STXBP5: variants seen among roughly 807,000 people sequenced by gnomAD.
STXBP5 encodes the protein syntaxin binding protein 5.
STXBP5 carries 50 observed loss-of-function variants against 152.4 expected under a neutral mutation model. That is an observed-to-expected ratio of 0.33 (90% CI 0.26 to 0.42). STXBP5 has a LOEUF of 0.42. STXBP5 is among the 10% of genes least tolerant of loss of function. The pLI, the probability that STXBP5 is intolerant of heterozygous loss-of-function variation, is 1.00. For missense variants in STXBP5, 1,167 were observed against 1,388.6 expected (o/e 0.84, Z 2.54); for synonymous variants, 492 against 494.7 (o/e 0.99, Z 0.07).
intron 26 of STXBP5, among the ~76,000 whole-genome samples, chr6:147,374,501 G>C (rs1339802729): frequency 6.6e-6 from 1 of 152,144 alleles, no homozygotes; most frequent in Non-Finnish European, 1.5e-5. Flanking sequence ...TTGGTCTGTA[G>C]TTTTAGTTCA....
intron 5 of STXBP5, among the ~76,000 whole-genome samples, 156 bp from the exon 6 acceptor site, chr6:147,262,134 A>G (rs779696249): frequency 6.6e-6 from 1 of 151,950 alleles, no homozygotes; most frequent in Non-Finnish European, 1.5e-5. Context: ...TTTGATCCAT[A>G]TTAAGAACTA....
chr6:147,264,237 T>G (rs1779778826), intron 6 of STXBP5, among the ~76,000 whole-genome samples: 1 of 152,182 alleles, frequency 6.6e-6, no homozygotes, highest in South Asian at 2.1e-4. Flanking sequence ...AATGCTAACC[T>G]TACCGGTGGA....
chr6:147,237,204 T>A (rs1778320227), intron 3 of STXBP5, among the ~76,000 whole-genome samples: 1 of 152,226 alleles, frequency 6.6e-6, no homozygotes, highest in South Asian at 2.1e-4. Flanking sequence ...CTATTTTTAT[T>A]CATATTAAGT....
At chr6:147,275,328 T>C (rs1473547453) in intron 7 of STXBP5, among the ~76,000 whole-genome samples, 2 of 152,100 alleles carry the variant, frequency 1.3e-5, no homozygotes, top group Admixed American at 6.5e-5. Context: ...TTGCATGCAC[T>C]GTTGCTTTGT....
At position 147,315,368 on chromosome 6, in the gene STXBP5, G is replaced by A. The variant is rs1048806825; in HGVS notation, c.1403-147G>A. Reference sequence around the variant, plus strand: ...AGAACAAAGAATATATTATCTAAATGTTTAATAGACTAACGTAAATTGAGA... The same window carrying A: ...AGAACAAAGAATATATTATCTAAATATTTAATAGACTAACGTAAATTGAGA... On this transcript the variant is annotated intron_variant, in intron 14 of 27. Coordinates refer to ENST00000321680, the MANE Select transcript of STXBP5 (RefSeq NM_001127715.4). 17 of 548,610 alleles carry A rather than the reference G, an allele frequency of 3.1e-5. No homozygotes were observed. The East Asian group carries it at 3.8e-4, about 12-fold the overall frequency. 34.0% of individuals were successfully genotyped at this position (548,610 alleles called of 1,614,324 possible). A position where few individuals can be genotyped will look rare whatever the true frequency, so the allele number is the denominator to read the frequency against.
chr6:147,322,011 C>T (rs373220316), intron 16 of STXBP5, among the ~76,000 whole-genome samples: 1 of 152,114 alleles, frequency 6.6e-6, no homozygotes. Context: ...ATAAGAATTC[C>T]ATGAGTTCTG....
rs575937325 is a variant in STXBP5 at position 147,379,108 on chromosome 6, A to G, written c.3194-3670A>G. Among the ~76,000 whole-genome samples the G allele has an allele frequency of 4.6e-4, 9 of 19,412 alleles. No homozygotes were observed. In the South Asian group the frequency reaches 0.011, roughly 24 times the overall value. The allele number at this position is 19,412 out of a possible 152,430, so 12.7% of individuals were successfully genotyped here. A position where few individuals can be genotyped will look rare whatever the true frequency, so the allele number is the denominator to read the frequency against. On this transcript the variant is annotated intron_variant, in intron 26 of 27. Transcript: ENST00000321680. ...GCCACATCTGTCTGCCCACAGCTGG[A>G]AAAAAAAAAAACTCTTTGCTTTTAA... is the stretch of plus-strand genomic sequence containing the variant.
intron 7 of STXBP5, among the ~76,000 whole-genome samples, chr6:147,275,768 A>G (rs1780415311): frequency 6.6e-6 from 1 of 151,944 alleles, no homozygotes; most frequent in African/African-American, 2.4e-5. Flanking sequence ...CGTGTTAGCC[A>G]GGATGGTCTT....
At chr6:147,375,575 C>T (rs1446366947) in intron 26 of STXBP5, among the ~76,000 whole-genome samples, 1 of 151,246 alleles carries the variant, frequency 6.6e-6, no homozygotes, top group Non-Finnish European at 1.5e-5. Context: ...TAAGTTTAGA[C>T]TTTCTCAAGA....
At chr6:147,357,103 G>A (rs973922391) in intron 22 of STXBP5, among the ~76,000 whole-genome samples, 6 of 152,104 alleles carry the variant, frequency 3.9e-5, no homozygotes, top group Admixed American at 6.6e-5. Flanking sequence ...AGTGAGGCAT[G>A]AGAAAAGTCA....
At chr6:147,246,793 A>G (rs1437660464) in intron 4 of STXBP5, among the ~76,000 whole-genome samples, 1 of 152,152 alleles carries the variant, frequency 6.6e-6, no homozygotes, top group Admixed American at 6.5e-5. Flanking sequence ...GGGAGAATTC[A>G]TGTTCACAGT....
At chr6:147,251,209 C>T (rs570560098) in intron 4 of STXBP5, among the ~76,000 whole-genome samples, 70 of 152,200 alleles carry the variant, frequency 4.6e-4, no homozygotes, top group African/African-American at 1.3e-3. Flanking sequence ...CCCCTAGCCA[C>T]GGGAAGCCAT....
intron 4 of STXBP5, among the ~76,000 whole-genome samples, chr6:147,252,924 A>G (rs541678505): frequency 3.9e-5 from 6 of 152,312 alleles, no homozygotes; most frequent in Admixed American, 2.6e-4. Flanking sequence ...ATTCCAAACA[A>G]TAGAAAAAGA....
intron 2 of STXBP5, among the ~76,000 whole-genome samples, chr6:147,228,954 A>G (rs1017208757): frequency 6.6e-6 from 1 of 152,254 alleles, no homozygotes; most frequent in East Asian, 1.9e-4. Context: ...TTACATGATC[A>G]ACATTCTTAT....
Position 147,359,196 on chromosome 6 carries a change from G to A in STXBP5, c.2418G>A (p.Lys806=). The A allele has an allele frequency of 6.2e-7, 1 of 1,614,070 alleles. No individual in the cohort carries two copies. The highest frequency in any genetic ancestry group is 1.1e-5 in the South Asian group (1 of 91,086). ...ALHFCETFTR[K]TDSSPSPCLW... ...ATTTCTGTGAAACGTTTACTCGAAA[G>A]ACGGACTCGTCCCCTTCCCCTTGTC... The change falls in exon 23 of 28, where the codon AAG becomes AAA. Residue 806 remains lysine, a synonymous_variant. Coordinates refer to ENST00000321680, the MANE Select transcript of STXBP5 (RefSeq NM_001127715.4).
intron 25 of STXBP5, among the ~76,000 whole-genome samples, chr6:147,372,457 T>TTTTTTTTTTTTTG (rs1785602945): frequency 9.2e-6 from 1 of 108,648 alleles, no homozygotes; most frequent in Admixed American, 1.3e-4. Flanking sequence ...TTTTTTTTTT[T>TTTTTTTTTTTTTG]TGAGACAGAT....
intron 9 of STXBP5, among the ~76,000 whole-genome samples, chr6:147,309,325 A>G (rs571775854): frequency 1.3e-5 from 2 of 152,332 alleles, no homozygotes; most frequent in East Asian, 3.9e-4. Flanking sequence ...ATAATGTACC[A>G]TAAATAACTT....
intron 9 of STXBP5, among the ~76,000 whole-genome samples, chr6:147,309,195 C>T (rs952845117): frequency 6.6e-6 from 1 of 152,050 alleles, no homozygotes; most frequent in African/African-American, 2.4e-5. Context: ...GAAGTAACAT[C>T]ATGAATAATG....
chr6:147,267,153 T>A lies in STXBP5; in HGVS notation c.700T>A (p.Tyr234Asn). Reference protein sequence around the residue: ...DLKSKKADYRYTYDEAIHSVA... With the variant: ...DLKSKKADYRNTYDEAIHSVA... Reference sequence around the variant, plus strand: ...CAAATCAAAGAAAGCCGACTACAGATACACATATGATGAGGTAATATTATT... The same window carrying A: ...CAAATCAAAGAAAGCCGACTACAGAAACACATATGATGAGGTAATATTATT... Residue 234 changes from tyrosine (Y) to asparagine (N), a missense_variant, in exon 7 of 28, where the codon TAC (tyrosine) becomes AAC (asparagine). Physicochemically the swap from Tyr to Asn is moderately radical, Grantham distance 143. Transcript: ENST00000321680. The A allele has an allele frequency of 6.2e-7, 1 of 1,609,422 alleles. No individual in the cohort carries two copies. The highest frequency in any genetic ancestry group is 8.5e-7 in the Non-Finnish European group (1 of 1,178,268).
Sources: gnomAD v4.1 joint callset for allele counts (sites outside exome capture counted in the v4.1 genomes callset) on GRCh38, gnomAD v4.1.1 for gene constraint, MANE v1.5 for transcripts, NCBI Gene and HGNC (gene_info 2026-07-23, HGNC 2026-07-21) for gene names.